The following WDR19 variants were observed in gnomAD, a reference collection of about 807,000 sequenced individuals.
WDR19 encodes WD repeat domain 19, also known as WD repeat-containing protein 19.
A neutral mutation model predicts 180.0 loss-of-function variants in WDR19; 121 were observed. The ratio of observed to expected loss-of-function variants is 0.67; its 90% CI spans 0.58 to 0.78. WDR19 has a LOEUF of 0.78. WDR19 is among the 30% of genes least tolerant of loss of function. The pLI is 0.00. For missense variants in WDR19, 1,450 were observed against 1,640.7 expected, an observed-to-expected ratio of 0.88 and a Z score of 2.01; for synonymous variants, 497 against 540.7, an observed-to-expected ratio of 0.92 and a Z score of 1.12.
chr4:39,269,991 C>T lies in WDR19; in HGVS notation c.3374C>T (p.Ala1125Val), dbSNP rs1735186262. ...EEQSAGNYRN[A>V]HDVLFSMYAE... is the part of the protein sequence containing the mutation. ...TTTTTTCAAGGCAACTACCGGAATG[C>T]ACACGATGTTCTCTTCAGTATGTAT... Residue 1125 changes from alanine (A) to valine (V), a missense_variant, in exon 31 of 37, where the codon GCA (alanine) becomes GTA (valine). Physicochemically the swap from Ala to Val is moderately conservative, Grantham distance 64. Coordinates refer to ENST00000399820, the MANE Select transcript of WDR19 (RefSeq NM_025132.4). The T allele has an allele frequency of 1.2e-6, 2 of 1,613,744 alleles. No homozygotes were observed. Among genetic ancestry groups the T allele is most frequent in the Non-Finnish European group, 1.7e-6 (2 of 1,179,798 alleles).
chr4:39,242,742 A>G (rs1257297834), intron 21 of WDR19, among the ~76,000 whole-genome samples: 1 of 152,158 alleles, frequency 6.6e-6, no homozygotes, highest in Admixed American at 6.5e-5. Flanking sequence ...ATCCTGGCTC[A>G]CTGCAACCTT....
At position 39,284,162 on chromosome 4, in the gene WDR19, C is replaced by T. The variant is rs572157770; in HGVS notation, c.*14-1325C>T. On this transcript the variant is annotated intron_variant, in intron 36 of 36. Coordinates refer to ENST00000399820, the MANE Select transcript of WDR19 (RefSeq NM_025132.4). ...TTATTTCTTCAATCACTTTTTCTAT[C>T]CCTTTCTGTCTTCTCATTCTGGAAC... 2.1e-4 allele frequency among the ~76,000 whole-genome samples: 22 copies of T among 105,192 alleles called. No individual in the cohort carries two copies. In the South Asian group the frequency reaches 5.5e-3, roughly 26 times the overall value. 69.0% of individuals were successfully genotyped at this position (105,192 alleles called of 152,430 possible). A position where few individuals can be genotyped will look rare whatever the true frequency, so the allele number is the denominator to read the frequency against.
In WDR19 at chr4:39,270,099, A is replaced by C. The variant is rs772640672; in HGVS notation, c.3482A>C (p.Lys1161Thr). The change falls in exon 31 of 37, where the codon AAG (lysine) becomes ACG (threonine). Residue 1161 changes from lysine to threonine, a missense_variant and splice_region_variant. Physicochemically the swap from Lys to Thr is moderately conservative, Grantham distance 78. Coordinates refer to ENST00000399820, the MANE Select transcript of WDR19 (RefSeq NM_025132.4). ...LMILHSYILV[K>T]IHVKNGDHMK... ...ATTCTGCACAGCTATATACTAGTAA[A>C]GGTGAGGCCCATGGAGTGACTTGGG... 1 of 1,613,618 alleles carries C rather than the reference A, an allele frequency of 6.2e-7. No individual in the cohort carries two copies. Among genetic ancestry groups the C allele is most frequent in the Non-Finnish European group, 8.5e-7 (1 of 1,179,826 alleles).
intron 9 of WDR19, among the ~76,000 whole-genome samples, chr4:39,206,276 GTTTTCTTTTTCTT>G (rs1292648422): frequency 6.6e-6 from 1 of 152,148 alleles, no homozygotes; most frequent in Non-Finnish European, 1.5e-5. Context: ...AAATCCCCTG[GTTTTCTTTTTCTT>G]TTTTTGTTCT....
intron 17 of WDR19, among the ~76,000 whole-genome samples, chr4:39,230,427 G>C (rs1730718331): frequency 6.6e-6 from 1 of 151,030 alleles, no homozygotes; most frequent in African/African-American, 2.5e-5. Flanking sequence ...CCAGGATGCA[G>C]TATACACAGT....
intron 36 of WDR19, among the ~76,000 whole-genome samples, chr4:39,283,388 T>C (rs1304505986): frequency 1.9e-5 from 2 of 107,696 alleles, no homozygotes; most frequent in African/African-American, 1.1e-4. Flanking sequence ...TTTTCCTCTG[T>C]TGTGTTTTTT....
At chr4:39,252,393 G>C (rs1733318043) in intron 24 of WDR19, among the ~76,000 whole-genome samples, 1 of 150,140 alleles carries the variant, frequency 6.7e-6, no homozygotes. Context: ...AGCATTAGGT[G>C]ATATACCTAA....
At chr4:39,232,327 G>C (rs1730961925) in intron 19 of WDR19, 55 bp downstream of exon 19, 1 of 1,448,734 alleles carries the variant, frequency 6.9e-7, no homozygotes, top group African/African-American at 1.4e-5. Context: ...TGGGGAAATG[G>C]GGGAAAAAAA....
At chr4:39,195,485 CTA>C (rs1726664183) in intron 5 of WDR19, among the ~76,000 whole-genome samples, 1 of 151,910 alleles carries the variant, frequency 6.6e-6, no homozygotes, top group East Asian at 1.9e-4. Context: ...TAGATGTGGA[CTA>C]TGAGTTCCAT....
chr4:39,249,657 G>C (rs1732933065), intron 24 of WDR19, among the ~76,000 whole-genome samples: 1 of 152,064 alleles, frequency 6.6e-6, no homozygotes, highest in African/African-American at 2.4e-5. Flanking sequence ...AAATGACAAA[G>C]GGGATATCAC....
In WDR19 at chr4:39,228,074, T is replaced by G. The variant is rs185316395; in HGVS notation, c.1630-136T>G. On this transcript the variant is annotated intron_variant, in intron 15 of 36. Coordinates refer to ENST00000399820, the MANE Select transcript of WDR19 (RefSeq NM_025132.4). ...ATGGAAAAAGAAACTTTCTTTCCTG[T>G]TGTTGTTGGAGTGATGTTAGGTTGA... The G allele has an allele frequency of 8.2e-4, 673 of 820,836 alleles. 3 individuals carry two copies. The highest frequency in any genetic ancestry group is 1.4e-3 in the Admixed American group (49 of 34,560). 50.8% of individuals were successfully genotyped at this position (820,836 alleles called of 1,614,324 possible).
chr4:39,221,833 G>T (rs1185110209), intron 14 of WDR19, among the ~76,000 whole-genome samples: 1 of 152,138 alleles, frequency 6.6e-6, no homozygotes, highest in Non-Finnish European at 1.5e-5. Context: ...TTATGCTGTT[G>T]TGTGTGTCAG....
intron 9 of WDR19, among the ~76,000 whole-genome samples, chr4:39,210,512 A>G (rs1728381076): frequency 6.6e-6 from 1 of 152,060 alleles, no homozygotes; most frequent in South Asian, 2.1e-4. Flanking sequence ...GCGAGACCCC[A>G]TCTCTAAAAC....
chr4:39,240,728 G>A (rs546163072), intron 21 of WDR19, among the ~76,000 whole-genome samples: 63 of 152,076 alleles, frequency 4.1e-4, no homozygotes, highest in African/African-American at 1.4e-3. Context: ...AAGGTGGGCG[G>A]ATCACAAGGT....
chr4:39,185,505 T>A (rs910884141), intron 1 of WDR19, among the ~76,000 whole-genome samples: 2 of 152,190 alleles, frequency 1.3e-5, no homozygotes, highest in Non-Finnish European at 2.9e-5. Context: ...AGCCCTCCTA[T>A]ATCTTGAGAT....
At chr4:39,202,060 C>T (rs1727424699) in intron 6 of WDR19, among the ~76,000 whole-genome samples, 1 of 152,086 alleles carries the variant, frequency 6.6e-6, no homozygotes, top group African/African-American at 2.4e-5. Context: ...GATTGTTATC[C>T]TTTGTCAATT....
chr4:39,188,919 T>A (rs1375292028), intron 3 of WDR19, among the ~76,000 whole-genome samples: 1 of 151,836 alleles, frequency 6.6e-6, no homozygotes, highest in African/African-American at 2.4e-5. Context: ...CCAGCTCATT[T>A]TTTTTTCTTT....
chr4:39,261,281 C>T (rs553691360), intron 28 of WDR19, among the ~76,000 whole-genome samples: 11 of 152,146 alleles, frequency 7.2e-5, no homozygotes, highest in East Asian at 3.9e-4. Context: ...CGTGAGCCAC[C>T]GCGCCCGGCC....
chr4:39,240,951 A>C (rs1180854955), intron 21 of WDR19, among the ~76,000 whole-genome samples: 3 of 117,808 alleles, frequency 2.5e-5, no homozygotes, highest in Non-Finnish European at 4.0e-5. Flanking sequence ...GCGAGACTCC[A>C]TCTCAAAAAA....
Sources: gnomAD v4.1 joint callset for allele counts (sites outside exome capture counted in the v4.1 genomes callset) on GRCh38, gnomAD v4.1.1 for gene constraint, MANE v1.5 for transcripts, NCBI Gene and HGNC (gene_info 2026-07-23, HGNC 2026-07-21) for gene names.